ADGRE5: variants seen among roughly 807,000 people sequenced by gnomAD.
The protein encoded by ADGRE5 is CD97 molecule.
In ADGRE5, 72 loss-of-function variants were observed where a neutral mutation model predicts 100.3. The ratio of observed to expected loss-of-function variants is 0.72; its 90% confidence interval spans 0.59 to 0.87. ADGRE5 has a LOEUF of 0.87. Among genes scored for constraint, ADGRE5 ranks in the 40% least tolerant of loss-of-function variants. The probability of loss-of-function intolerance (pLI) is 0.00; values close to 1 mark genes in which losing one functional copy is unlikely to be tolerated. For missense variants in ADGRE5, 959 were observed against 1,094.7 expected, an observed-to-expected ratio of 0.88 and a Z score of 1.75; for synonymous variants, 439 against 447.8, an observed-to-expected ratio of 0.98 and a Z score of 0.25.
rs2230748 is a variant in ADGRE5, at chr19:14,401,677, G to C, written c.1100G>C (p.Arg367Pro). The C allele has an allele frequency of 9.5e-5, 152 of 1,592,816 alleles. No homozygotes were observed. The African/African-American group carries it at 1.9e-3, about 20-fold the overall frequency. ...GAGCTGACCCTGATGATCCAGGAGC[G>C]GGGGGACAAGAACGTCACTATGGGT... is the stretch of plus-strand genomic sequence containing the variant. ...NTELTLMIQE[R>P]GDKNVTMGQS... The change falls in exon 11 of 20, where the codon CGG becomes CCG. Residue 367 changes from arginine (R) to proline (P), a missense_variant. Arg to Pro is a moderately radical substitution (Grantham distance 103, BLOSUM62 -2). Around this residue, in one of 6 missense-constraint regions of ADGRE5, gnomAD observed 246 missense variants for 242.2 expected, o/e 1.02. Coordinates refer to ENST00000242786, the MANE Select transcript of ADGRE5 (RefSeq NM_078481.4). This position sits in a 1 kb window ranked among gnomAD's most constrained non-coding sequence, Gnocchi z 4.1.
At position 14,408,341 on chromosome 19, in the gene ADGRE5, C is replaced by G; in HGVS notation, c.*220C>G. 1 of 630,030 alleles carries G rather than the reference C, an allele frequency of 1.6e-6. No individual in the cohort carries two copies. The allele number at this position is 630,030 out of a possible 1,614,324, so 39.0% of individuals were successfully genotyped here. On this transcript the variant is annotated 3_prime_UTR_variant, in exon 20 of 20. Coordinates refer to ENST00000242786, the MANE Select transcript of ADGRE5 (RefSeq NM_078481.4). ...ACTGGTCCTGCTGCTGGCTGCCTCT[C>G]TGCTCCACCTTGTGACCCAGGGTGG...
At position 14,408,183 on chromosome 19, in the gene ADGRE5, C is replaced by CCAT. The variant is rs922527859; in HGVS notation, c.*64_*66dup. The CCAT allele has an allele frequency of 6.4e-7, 1 of 1,558,302 alleles. No homozygotes were observed. The highest frequency in any genetic ancestry group is 1.4e-5 in the African/African-American group (1 of 73,816). On this transcript the variant is annotated 3_prime_UTR_variant, in exon 20 of 20. Coordinates refer to ENST00000242786, the MANE Select transcript of ADGRE5 (RefSeq NM_078481.4). ...GCCACAGCAGCTTTGTACACGAAGACCATCCATCCTCCCTTCGTCCACCAC... is the reference window on the plus strand; with the variant it reads ...GCCACAGCAGCTTTGTACACGAAGACCATCATCCATCCTCCCTTCGTCCACCAC...
At position 14,407,114 on chromosome 19, in the gene ADGRE5, T is replaced by G; in HGVS notation, c.2261T>G (p.Val754Gly). 2 of 1,614,110 alleles carry G rather than the reference T, an allele frequency of 1.2e-6. No individual in the cohort carries two copies. Among genetic ancestry groups the G allele is most frequent in the Non-Finnish European group, 1.7e-6 (2 of 1,180,028 alleles). The change falls in exon 18 of 20, where the codon GTC becomes GGC. Residue 754 changes from valine (V) to glycine (G), a missense_variant. Physicochemically the swap from Val to Gly is moderately radical, Grantham distance 109. Coordinates refer to ENST00000242786, the MANE Select transcript of ADGRE5 (RefSeq NM_078481.4). ...CTCTTCCTGTTGGGCTGCACCTGGG[T>G]CTTTGGCCTGTTCATCTTCGACGAT... ...AQLFLLGCTW[V>G]FGLFIFDDRS...
In ADGRE5 at chr19:14,388,711, G is replaced by A. The variant is rs770990137; in HGVS notation, c.83G>A (p.Arg28Gln). The change falls in exon 3 of 20, where the codon CGG becomes CAG. Residue 28 changes from arginine to glutamine, a missense_variant. Coordinates refer to ENST00000242786, the MANE Select transcript of ADGRE5 (RefSeq NM_078481.4). ...AETQDSRGCARWCPQNSSCVN... is the reference protein window; with the variant it reads ...AETQDSRGCAQWCPQNSSCVN... ...CTCCCTGCTCTTGCAGGCTGTGCCCGGTGGTGCCCTCAGAACTCCTCGTGT... is the reference window on the plus strand; with the variant it reads ...CTCCCTGCTCTTGCAGGCTGTGCCCAGTGGTGCCCTCAGAACTCCTCGTGT... 1.5e-5 allele frequency: 24 copies of A among 1,613,618 alleles called. No individual in the cohort carries two copies. Among genetic ancestry groups the A allele is most frequent in the Admixed American group, 6.7e-5 (4 of 59,976 alleles).
rs532842484 is a variant in ADGRE5 at position 14,408,288 on chromosome 19, G to C, written c.*167G>C. The C allele has an allele frequency of 1.3e-6, 1 of 767,772 alleles. No homozygotes were observed. The highest frequency in any genetic ancestry group is 2.2e-6 in the Non-Finnish European group (1 of 457,480). The allele number at this position is 767,772 out of a possible 1,614,324, so 47.6% of individuals were successfully genotyped here. ...AGCTATAGTCTGGCACCAAAGTCCA[G>C]GACACCCAGTGGGGTGGAGTCGGAG... On this transcript the variant is annotated 3_prime_UTR_variant, in exon 20 of 20. Transcript: ENST00000242786.
chr19:14,406,867 A>C lies in ADGRE5; in HGVS notation c.2116-2A>C. ...CTAACCCACAATCTGCTCCCTGCCC[A>C]GTGCAATGCTGTCATTTTCGTGACT... On this transcript the variant is annotated splice_acceptor_variant, in intron 16 of 19. Transcript: ENST00000242786. LOFTEE classifies it high-confidence loss of function. The surrounding 1 kb of genome is among the most constrained non-coding windows in gnomAD (Gnocchi z 6.0). The C allele has an allele frequency of 6.2e-7, 1 of 1,613,928 alleles. No homozygotes were observed. The highest frequency in any genetic ancestry group is 2.2e-5 in the East Asian group (1 of 44,886).
intron 3 of ADGRE5, 37 bp downstream of exon 3, chr19:14,388,855 G>T (rs374583489): frequency 6.3e-7 from 1 of 1,584,990 alleles, no homozygotes; most frequent in Admixed American, 1.7e-5. Flanking sequence ...GGACATCCGC[G>T]ATTATGAGGC....
chr19:14,386,805 G>A (rs1975374463), intron 1 of ADGRE5, among the ~76,000 whole-genome samples: 1 of 151,652 alleles, frequency 6.6e-6, no homozygotes, highest in Admixed American at 6.6e-5. Context: ...CTTGAGGCCG[G>A]GAGTTCAAGA....
Position 14,401,858 on chromosome 19 carries a change from C to A in ADGRE5, c.1183+98C>A. The A allele has an allele frequency of 1.3e-6, 1 of 758,574 alleles. No homozygotes were observed. Among genetic ancestry groups the A allele is most frequent in the Non-Finnish European group, 2.0e-6 (1 of 504,226 alleles). The allele number at this position is 758,574 out of a possible 1,614,324, so 47.0% of individuals were successfully genotyped here. On this transcript the variant is annotated intron_variant, in intron 11 of 19. Coordinates refer to ENST00000242786, the MANE Select transcript of ADGRE5 (RefSeq NM_078481.4). The surrounding 1 kb of genome is among the most constrained non-coding windows in gnomAD (Gnocchi z 4.1). Reference sequence around the variant, plus strand: ...TCAGAATAGAACAACTGACTGGGCGCGGTGGCTCACGCCTGCAATCCCAGC... The same window carrying A: ...TCAGAATAGAACAACTGACTGGGCGAGGTGGCTCACGCCTGCAATCCCAGC...
chr19:14,403,817 T>A (rs937022426), intron 12 of ADGRE5, among the ~76,000 whole-genome samples: 2 of 149,324 alleles, frequency 1.3e-5, no homozygotes, highest in Non-Finnish European at 3.0e-5. Context: ...TAATGCACTA[T>A]CTACATTACT....
intron 6 of ADGRE5, 139 bp from the exon 7 acceptor site, chr19:14,397,519 C>A (rs1219643288): frequency 1.7e-6 from 2 of 1,189,634 alleles, no homozygotes; most frequent in East Asian, 4.9e-5. Flanking sequence ...GTGCCCAGGC[C>A]TCTCCACGCT....
Position 14,405,761 on chromosome 19 carries a change from C to T in ADGRE5, c.1643C>T (p.Thr548Ile). 1 of 1,612,998 alleles carries T rather than the reference C, an allele frequency of 6.2e-7. No individual in the cohort carries two copies. Among genetic ancestry groups the T allele is most frequent in the Non-Finnish European group, 8.5e-7 (1 of 1,179,458 alleles). The change falls in exon 14 of 20, where the codon ACC becomes ATC. Residue 548 changes from threonine to isoleucine, a missense_variant. This residue lies in a region of ADGRE5 where 428 missense variants were observed against 386.2 expected (regional missense o/e 1.11). Coordinates refer to ENST00000242786, the MANE Select transcript of ADGRE5 (RefSeq NM_078481.4). ...TGCCACTCCTAGGACTGGAAGCTGA[C>T]CCTGATCACCAGGGTGGGACTGGCG... is the stretch of plus-strand genomic sequence containing the variant. ...AHYDVEDWKL[T>I]LITRVGLALS...
chr19:14,381,940 G>C (rs1264628934), intron 1 of ADGRE5, among the ~76,000 whole-genome samples: 1 of 152,114 alleles, frequency 6.6e-6, no homozygotes, highest in African/African-American at 2.4e-5. Flanking sequence ...GGGGAAGCTA[G>C]AAGCCAGGAC....
At position 14,406,896 on chromosome 19, in the gene ADGRE5, G is replaced by T. The variant is rs145308566; in HGVS notation, c.2143G>T (p.Val715Phe). The change falls in exon 17 of 20, where the codon GTC (valine) becomes TTC (phenylalanine). Residue 715 changes from valine to phenylalanine, a missense_variant. Physicochemically the swap from Val to Phe is conservative, Grantham distance 50. This residue lies in a region of ADGRE5 where 428 missense variants were observed against 386.2 expected (regional missense o/e 1.11). Coordinates refer to ENST00000242786, the MANE Select transcript of ADGRE5 (RefSeq NM_078481.4). This position sits in a 1 kb window ranked among gnomAD's most constrained non-coding sequence, Gnocchi z 6.0. ...LCNAVIFVTT[V>F]WKLTQKFSEI... ...CAATGCTGTCATTTTCGTGACTACC[G>T]TCTGGAAGCTCACTCAGAAGTTTTC... The T allele has an allele frequency of 6.2e-7, 1 of 1,614,152 alleles. No individual in the cohort carries two copies. Among genetic ancestry groups the T allele is most frequent in the East Asian group, 2.2e-5 (1 of 44,872 alleles).
chr19:14,395,412 C>T (rs1445978708), intron 4 of ADGRE5, among the ~76,000 whole-genome samples: 1 of 152,116 alleles, frequency 6.6e-6, no homozygotes, highest in African/African-American at 2.4e-5. Flanking sequence ...CGTCCCAGGC[C>T]CGATCCTCTC....
At position 14,401,328 on chromosome 19, in the gene ADGRE5, C is replaced by A; in HGVS notation, c.898-58C>A. The A allele has an allele frequency of 6.6e-7, 1 of 1,522,688 alleles. No individual in the cohort carries two copies. The highest frequency in any genetic ancestry group is 8.9e-7 in the Non-Finnish European group (1 of 1,117,732). The allele number at this position is 1,522,688 out of a possible 1,614,324, so 94.3% of individuals were successfully genotyped here. On this transcript the variant is annotated intron_variant, in intron 9 of 19. Transcript: ENST00000242786. The surrounding 1 kb of genome is among the most constrained non-coding windows in gnomAD (Gnocchi z 4.1). The stretch of plus-strand genomic sequence containing the variant: ...CCTGGTAGGGGGTGACATCCAGGTC[C>A]TTCAGGCAACCCCTGTGGTCTGATG...
At chr19:14,400,447 C>G (rs1245652141) in intron 9 of ADGRE5, among the ~76,000 whole-genome samples, 1 of 152,080 alleles carries the variant, frequency 6.6e-6, no homozygotes, top group Non-Finnish European at 1.5e-5. Context: ...CACCACCGTG[C>G]CTGTTGTCTA....
At chr19:14,407,782 G>C (rs561715958) in intron 18 of ADGRE5, 126 bp from the exon 19 acceptor site, 4 of 745,444 alleles carry the variant, frequency 5.4e-6, no homozygotes, top group Non-Finnish European at 9.0e-6. Context: ...GTGACAGGGG[G>C]ACCCGATCTC....
At chr19:14,394,456 A>C (rs1335963068) in intron 4 of ADGRE5, among the ~76,000 whole-genome samples, 4 of 152,042 alleles carry the variant, frequency 2.6e-5, no homozygotes, top group African/African-American at 9.7e-5. Context: ...GGGCCATCCT[A>C]AACCCCTGAT....
Sources: gnomAD v4.1 joint callset for allele counts (sites outside exome capture counted in the v4.1 genomes callset) on GRCh38, gnomAD v4.1.1 for gene constraint, gnomAD v4.1.1 regional missense constraint, Gnocchi (gnomAD v3.1) non-coding constraint, MANE v1.5 for transcripts, NCBI Gene and HGNC (gene_info 2026-07-23, HGNC 2026-07-21) for gene names.